LPP: variants seen among roughly 807,000 people sequenced by gnomAD.
LPP encodes LIM domain containing preferred translocation partner in lipoma.
Under a neutral mutation model 60.4 loss-of-function variants are expected in LPP, and 38 were observed. The ratio of observed to expected loss-of-function variants is 0.63; its 90% CI spans 0.49 to 0.83. The LOEUF (loss-of-function observed/expected upper bound fraction) is 0.83, where lower values mean the gene tolerates loss of function less well. Ranked by LOEUF, LPP falls within the 40% of genes least tolerant of loss-of-function variation. The pLI, the probability that LPP is intolerant of heterozygous loss-of-function variation, is 0.00. For missense variants in LPP, 902 were observed against 783.6 expected, an observed-to-expected ratio of 1.15 and a Z score of -1.80; for synonymous variants, 328 against 290.8, an observed-to-expected ratio of 1.13 and a Z score of -1.30.
chr3:188,484,420 T>G (rs1328030029), intron 4 of LPP, among the ~76,000 whole-genome samples, 172 bp from the exon 5 acceptor site: 1 of 152,208 alleles, frequency 6.6e-6, no homozygotes, highest in Non-Finnish European at 1.5e-5. Flanking sequence ...CTTCTGAAAG[T>G]TAAGACTACT....
intron 4 of LPP, among the ~76,000 whole-genome samples, chr3:188,450,356 C>G (rs571231073): frequency 3.9e-4 from 60 of 152,264 alleles, no homozygotes; most frequent in African/African-American, 1.4e-3. Flanking sequence ...ATATACCCTG[C>G]CCATAGATTA....
intron 9 of LPP, among the ~76,000 whole-genome samples, chr3:188,858,373 A>G (rs1560302125): frequency 6.6e-6 from 1 of 152,182 alleles, no homozygotes. Context: ...ATCAGAACAC[A>G]TTCAAAAGAA....
At chr3:188,828,303 T>G (rs1173124000) in intron 9 of LPP, among the ~76,000 whole-genome samples, 1 of 151,948 alleles carries the variant, frequency 6.6e-6, no homozygotes, top group East Asian at 1.9e-4. Flanking sequence ...TTAGGCAGCC[T>G]GAGCTGGAAT....
At chr3:188,498,070 C>G (rs1483779141) in intron 5 of LPP, among the ~76,000 whole-genome samples, 2 of 152,166 alleles carry the variant, frequency 1.3e-5, no homozygotes, top group Non-Finnish European at 2.9e-5. Flanking sequence ...ACCTCTGATT[C>G]TGCAACAATT....
intron 7 of LPP, among the ~76,000 whole-genome samples, chr3:188,627,849 GACTACACACCCATTC>G (rs1847138009): frequency 2.0e-5 from 3 of 152,058 alleles, no homozygotes; most frequent in African/African-American, 7.2e-5. Flanking sequence ...CTCTAAGATT[GACTACACACCCATTC>G]ATAAAGCAAT....
chr3:188,373,129 G>C (rs57494660), intron 3 of LPP, among the ~76,000 whole-genome samples: 1,563 of 151,522 alleles, frequency 0.01, 21 homozygotes, highest in African/African-American at 0.035. Context: ...GGGTTGGTTC[G>C]AAGTCTTTGC....
chr3:188,513,916 G>T (rs895662869), intron 5 of LPP, among the ~76,000 whole-genome samples: 6 of 152,014 alleles, frequency 3.9e-5, no homozygotes, highest in African/African-American at 1.4e-4. Flanking sequence ...GGCAAGTTGT[G>T]AAATGTCATT....
At chr3:188,527,348 G>GAAAAAAAA (rs57075465) in intron 6 of LPP, among the ~76,000 whole-genome samples, 1 of 73,680 alleles carries the variant, frequency 1.4e-5, no homozygotes, top group African/African-American at 4.9e-5. Context: ...GACTCCATCT[G>GAAAAAAAA]AAAAAAAAAA....
chr3:188,777,383 A>T (rs1468638291), intron 9 of LPP, among the ~76,000 whole-genome samples: 1 of 151,822 alleles, frequency 6.6e-6, no homozygotes, highest in Non-Finnish European at 1.5e-5. Context: ...ACTGAACATC[A>T]TCTGTATTTC....
intron 1 of LPP, among the ~76,000 whole-genome samples, chr3:188,190,883 C>T (rs1415977041): frequency 6.6e-6 from 1 of 152,224 alleles, no homozygotes; most frequent in African/African-American, 2.4e-5. Flanking sequence ...CTTCTTATTT[C>T]ACTAGATGAT....
intron 2 of LPP, among the ~76,000 whole-genome samples, chr3:188,339,325 A>G (rs1038044524): frequency 6.6e-6 from 1 of 152,216 alleles, no homozygotes; most frequent in Admixed American, 6.5e-5. Context: ...CACTCAATCC[A>G]CGTGAAGAGG....
intron 7 of LPP, among the ~76,000 whole-genome samples, chr3:188,676,789 C>T (rs1858208799): frequency 6.6e-6 from 1 of 152,088 alleles, no homozygotes; most frequent in Non-Finnish European, 1.5e-5. Flanking sequence ...TAATTGCCTC[C>T]CAATGAGTGT....
chr3:188,619,267 C>T (rs1370966159), intron 7 of LPP, among the ~76,000 whole-genome samples: 1 of 152,208 alleles, frequency 6.6e-6, no homozygotes, highest in Non-Finnish European at 1.5e-5. Flanking sequence ...TCAGGTGATC[C>T]ACTCACCTTG....
At chr3:188,810,686 G>T (rs1215119654) in intron 9 of LPP, among the ~76,000 whole-genome samples, 1 of 152,086 alleles carries the variant, frequency 6.6e-6, no homozygotes, top group Non-Finnish European at 1.5e-5. Context: ...GTCTTGGAAG[G>T]TATCTTCCAC....
intron 4 of LPP, among the ~76,000 whole-genome samples, chr3:188,441,545 T>C (rs1056434034): frequency 2.0e-5 from 3 of 151,432 alleles, no homozygotes; most frequent in Non-Finnish European, 4.4e-5. Context: ...GAAGGGATGT[T>C]CTCAAATCCC....
At chr3:188,178,522 A>G (rs1037401312) in intron 1 of LPP, 9 of 152,216 alleles carry the variant, frequency 5.9e-5, no homozygotes, top group African/African-American at 1.9e-4. Context: ...TCTTCTGCCC[A>G]TTGCATCAAA....
chr3:188,657,717 G>A lies in LPP; in HGVS notation c.1113+47873G>A, dbSNP rs549090502. ...AGCTAGTCCCCAAGCACACTAACCCGTTACATTCATCCCTCTGCTTTTAAT... is the reference window on the plus strand; with the variant it reads ...AGCTAGTCCCCAAGCACACTAACCCATTACATTCATCCCTCTGCTTTTAAT... On this transcript the variant is annotated intron_variant, in intron 7 of 11. Coordinates refer to ENST00000617246, the MANE Select transcript of LPP (RefSeq NM_001375462.1). Among the ~76,000 whole-genome samples, 30 of 152,062 alleles carry A rather than the reference G, an allele frequency of 2.0e-4. No homozygotes were observed. The South Asian group carries it at 5.2e-3, about 26-fold the overall frequency.
intron 8 of LPP, among the ~76,000 whole-genome samples, chr3:188,720,007 G>A (rs1024513132): frequency 6.6e-6 from 1 of 152,166 alleles, no homozygotes; most frequent in South Asian, 2.1e-4. Context: ...CCACCTCCCA[G>A]GTTCAAGCTG....
chr3:188,482,919 G>A (rs1805239295), intron 4 of LPP, among the ~76,000 whole-genome samples: 1 of 152,160 alleles, frequency 6.6e-6, no homozygotes, highest in Non-Finnish European at 1.5e-5. Context: ...TATTAGAAAT[G>A]AAGATGGTTG....
Sources: allele counts gnomAD v4.1 joint callset (sites outside exome capture counted in the v4.1 genomes callset), GRCh38; gene constraint gnomAD v4.1.1; transcripts MANE v1.5; gene names NCBI Gene and HGNC (gene_info 2026-07-23, HGNC 2026-07-21).